Variants in GSDMC observed in about 807,000 individuals in gnomAD.
GSDMC encodes the protein gasdermin-C.
Under a neutral mutation model 58.0 loss-of-function variants are expected in GSDMC, and 59 were observed. The ratio of observed to expected loss-of-function variants is 1.02; its 90% confidence interval spans 0.82 to 1.26. The LOEUF (loss-of-function observed/expected upper bound fraction) is 1.26. Ranked by LOEUF, GSDMC falls within the 50% of genes most tolerant of loss-of-function variation. The pLI is 0.00. For missense variants in GSDMC, 659 were observed against 598.5 expected (o/e 1.10, Z -1.06); for synonymous variants, 241 against 220.2 (o/e 1.09, Z -0.83).
chr8:129,736,481 A>C, the GSDMC span, among the ~76,000 whole-genome samples: 1 of 152,244 alleles, frequency 6.6e-6, no homozygotes, highest in African/African-American at 2.4e-5. Flanking sequence ...AGGCTGGTTC[A>C]ACATATGCAA....
At chr8:129,768,260 C>G (rs1208734957) in intron 3 of GSDMC, among the ~76,000 whole-genome samples, 1 of 152,194 alleles carries the variant, frequency 6.6e-6, no homozygotes, top group South Asian at 2.1e-4. Context: ...TGATATGAAC[C>G]TGTTAAGGCT....
intron 5 of GSDMC, 83 bp from the exon 6 acceptor site, chr8:129,760,672 A>G (rs2033625544): frequency 8.9e-6 from 4 of 447,160 alleles, no homozygotes; most frequent in Non-Finnish European, 1.2e-5. Flanking sequence ...TTATATCAAA[A>G]CCACTGGGAT....
the GSDMC span, among the ~76,000 whole-genome samples, chr8:129,731,095 A>G: frequency 6.6e-6 from 1 of 152,240 alleles, no homozygotes; most frequent in East Asian, 1.9e-4. Flanking sequence ...GACAGAAACC[A>G]TACCATTAAC....
Position 129,750,572 on chromosome 8 carries a change from T to C in GSDMC, c.944-2A>G, listed in dbSNP as rs1289168066. Reference sequence around the variant, plus strand: ...CCTCCTCTTGTAGATGCTTGAAATCTGCTCTCAGGCATCAACGCCGACCAG... The same window carrying C: ...CCTCCTCTTGTAGATGCTTGAAATCCGCTCTCAGGCATCAACGCCGACCAG... On this transcript the variant is annotated splice_acceptor_variant, in intron 10 of 13. Coordinates refer to ENST00000276708, the MANE Select transcript of GSDMC (RefSeq NM_031415.3). LOFTEE classifies it high-confidence loss of function. The C allele has an allele frequency of 1.2e-6, 2 of 1,613,634 alleles. No individual in the cohort carries two copies. Among genetic ancestry groups the C allele is most frequent in the Admixed American group, 1.7e-5 (1 of 59,978 alleles).
rs2033022661 is a variant in GSDMC at position 129,748,429 on chromosome 8, C to A, written c.*72G>T. 2 of 1,471,992 alleles carry A rather than the reference C, an allele frequency of 1.4e-6. No homozygotes were observed. The highest frequency in any genetic ancestry group is 1.8e-6 in the Non-Finnish European group (2 of 1,096,334). The allele number at this position is 1,471,992 out of a possible 1,614,324, so 91.2% of individuals were successfully genotyped here. ...GAGAGGCACAGCCCTATCTCTTGCACCCATAAGGACACTCACAGCATAGAC... is the reference window on the plus strand; with the variant it reads ...GAGAGGCACAGCCCTATCTCTTGCAACCATAAGGACACTCACAGCATAGAC... On this transcript the variant is annotated 3_prime_UTR_variant, in exon 14 of 14. Transcript: ENST00000276708.
chr8:129,782,490 G>T (rs2130587097), intron 1 of GSDMC, among the ~76,000 whole-genome samples: 1 of 151,324 alleles, frequency 6.6e-6, no homozygotes, highest in South Asian at 2.1e-4. Context: ...AAAGAGAGAA[G>T]GCCCAAATAA....
At chr8:129,767,875 C>G (rs76697150) in intron 3 of GSDMC, among the ~76,000 whole-genome samples, 1 of 152,098 alleles carries the variant, frequency 6.6e-6, no homozygotes, top group Non-Finnish European at 1.5e-5. Context: ...AGCCTAAAGC[C>G]CTGCCCAATT....
In GSDMC at chr8:129,751,893, T is replaced by TA. The variant is rs755986880; in HGVS notation, c.887-3dup. On this transcript the variant is annotated splice_polypyrimidine_tract_variant and splice_region_variant and intron_variant, in intron 8 of 13. Transcript: ENST00000276708. ...GGAGGATGTGAACTTGTTCGTATTC[T>TA]AAAAAAAGAAATGAAATTCCTCACC... 43 of 1,612,192 alleles carry TA rather than the reference T, an allele frequency of 2.7e-5. No individual in the cohort carries two copies. The highest frequency in any genetic ancestry group is 3.5e-5 in the Non-Finnish European group (41 of 1,178,604).
the GSDMC span, among the ~76,000 whole-genome samples, chr8:129,708,963 A>G: frequency 2.6e-5 from 4 of 152,356 alleles, no homozygotes; most frequent in Non-Finnish European, 5.9e-5. Context: ...AGGGGAAATA[A>G]TGCCTTCCTC....
At chr8:129,725,091 A>T in the GSDMC span, among the ~76,000 whole-genome samples, 1 of 152,218 alleles carries the variant, frequency 6.6e-6, no homozygotes, top group East Asian at 1.9e-4. Context: ...CTAGCCTGAG[A>T]AAGCTCAAGA....
At chr8:129,729,967 G>A in the GSDMC span, 2 of 1,515,350 alleles carry the variant, frequency 1.3e-6, no homozygotes, top group African/African-American at 2.7e-5. Flanking sequence ...GGGGCAGCAT[G>A]TAAATACCAT....
the GSDMC span, among the ~76,000 whole-genome samples, chr8:129,734,338 C>T: frequency 2.0e-5 from 3 of 152,254 alleles, no homozygotes; most frequent in East Asian, 1.9e-4. Context: ...CACAAAGATA[C>T]TCCTCGAGAA....
the GSDMC span, among the ~76,000 whole-genome samples, chr8:129,738,871 A>T: frequency 6.6e-6 from 1 of 152,148 alleles, no homozygotes; most frequent in Non-Finnish European, 1.5e-5. Flanking sequence ...TAAACATCTT[A>T]AAAAGAAATC....
chr8:129,778,811 G>C (rs114743033), intron 1 of GSDMC, among the ~76,000 whole-genome samples: 2,140 of 148,532 alleles, frequency 0.014, 61 homozygotes, highest in African/African-American at 0.049. Context: ...TGAAGAGGCA[G>C]CTTTCAAAAG....
the GSDMC span, chr8:129,728,670 T>G: frequency 2.9e-6 from 1 of 347,038 alleles, no homozygotes; most frequent in Non-Finnish European, 5.5e-6. Context: ...AAGGATCAAG[T>G]ATATACCCAG....
intron 1 of GSDMC, among the ~76,000 whole-genome samples, chr8:129,784,496 C>T (rs950516987): frequency 3.3e-5 from 5 of 152,002 alleles, no homozygotes; most frequent in Non-Finnish European, 5.9e-5. Flanking sequence ...TGAAAAGGTC[C>T]TCAACATTAT....
chr8:129,718,600 C>T, the GSDMC span, among the ~76,000 whole-genome samples: 1 of 152,184 alleles, frequency 6.6e-6, no homozygotes, highest in Non-Finnish European at 1.5e-5. Flanking sequence ...TAAATTAGTT[C>T]AACCATTGTG....
intron 3 of GSDMC, among the ~76,000 whole-genome samples, chr8:129,767,948 T>C (rs1168095258): frequency 1.3e-5 from 2 of 152,198 alleles, no homozygotes; most frequent in Middle Eastern, 3.4e-3. Context: ...CAAGAGGTGA[T>C]TGTGGGGTCC....
chr8:129,712,068 G>T, the GSDMC span, among the ~76,000 whole-genome samples: 4 of 152,222 alleles, frequency 2.6e-5, no homozygotes, highest in East Asian at 7.7e-4. Context: ...GCCTGCCTGG[G>T]CACCATAGCA....
Sources: allele counts gnomAD v4.1 joint callset (sites outside exome capture counted in the v4.1 genomes callset), GRCh38; gene constraint gnomAD v4.1.1; transcripts MANE v1.5; gene names NCBI Gene and HGNC (gene_info 2026-07-23, HGNC 2026-07-21).